ABHD3: variants seen among roughly 807,000 people sequenced by gnomAD.
ABHD3 encodes the protein abhydrolase domain containing 3, phospholipase.
A neutral mutation model predicts 48.8 loss-of-function variants in ABHD3; 46 were observed. The ratio of observed to expected loss-of-function variants is 0.94; its 90% CI spans 0.74 to 1.20. The LOEUF (loss-of-function observed/expected upper bound fraction) is 1.20. ABHD3 is among the 50% of genes most tolerant of loss of function. The pLI, the probability that ABHD3 is intolerant of heterozygous loss-of-function variation, is 0.00. For missense variants in ABHD3, 490 were observed against 497.8 expected, an observed-to-expected ratio of 0.98 and a Z score of 0.15; for synonymous variants, 192 against 183.7, an observed-to-expected ratio of 1.04 and a Z score of -0.36.
At chr18:21,675,790 T>A (rs1568149660) in intron 4 of ABHD3, among the ~76,000 whole-genome samples, 1 of 151,090 alleles carries the variant, frequency 6.6e-6, no homozygotes, top group Non-Finnish European at 1.5e-5. Flanking sequence ...AACCATTATT[T>A]AAAAAAAAAT....
chr18:21,651,629 C>T lies in ABHD3; in HGVS notation c.1192G>A (p.Val398Met). Reference sequence around the variant, plus strand: ...TGTCCATGCTCAACCATGGCTTGCACAAATTGCTTGAAGACACGATCCATG... The same window carrying T: ...TGTCCATGCTCAACCATGGCTTGCATAAATTGCTTGAAGACACGATCCATG... ...TYMDRVFKQF[V>M]QAMVEHGHEL... is the part of the protein sequence containing the mutation. The change falls in exon 9 of 9, where the codon GTG becomes ATG. Residue 398 changes from valine to methionine, a missense_variant. Val to Met is a conservative substitution (Grantham distance 21, BLOSUM62 1). Coordinates refer to ENST00000289119, the MANE Select transcript of ABHD3 (RefSeq NM_138340.5). The T allele has an allele frequency of 6.2e-7, 1 of 1,614,112 alleles. No individual in the cohort carries two copies. The highest frequency in any genetic ancestry group is 1.1e-5 in the South Asian group (1 of 91,082).
At chr18:21,703,213 A>AC (rs1225579394) in intron 2 of ABHD3, among the ~76,000 whole-genome samples, 1,685 of 61,898 alleles carry the variant, frequency 0.027, 11 homozygotes, top group Middle Eastern at 0.033. Context: ...CATCCTTCTC[A>AC]CCCCACCCCC....
chr18:21,687,625 A>G (rs766331962), intron 3 of ABHD3, among the ~76,000 whole-genome samples: 2 of 152,230 alleles, frequency 1.3e-5, no homozygotes, highest in African/African-American at 2.4e-5. Context: ...TTTTTCCTAC[A>G]TATTTGAACT....
intron 8 of ABHD3, 127 bp from the exon 9 acceptor site, chr18:21,651,890 T>C: frequency 2.6e-6 from 2 of 775,324 alleles, no homozygotes; most frequent in South Asian, 2.2e-5. Flanking sequence ...AACACCATTA[T>C]ATAAATATAT....
intron 2 of ABHD3, among the ~76,000 whole-genome samples, chr18:21,703,221 C>CCCCA (rs2040553837): frequency 8.2e-6 from 1 of 121,914 alleles, no homozygotes; most frequent in Non-Finnish European, 1.8e-5. Flanking sequence ...TCACCCCACC[C>CCCCA]CCCCCCCCAG....
intron 8 of ABHD3, among the ~76,000 whole-genome samples, chr18:21,655,561 G>A (rs921290122): frequency 5.9e-5 from 9 of 152,198 alleles, no homozygotes; most frequent in East Asian, 1.9e-4. Flanking sequence ...GAAAGTTGGC[G>A]GGGTGTGGTG....
chr18:21,692,623 C>G (rs904360971), intron 3 of ABHD3, among the ~76,000 whole-genome samples: 2 of 152,162 alleles, frequency 1.3e-5, no homozygotes, highest in African/African-American at 2.4e-5. Context: ...TCAAAGGTGT[C>G]TTTAACGTGA....
chr18:21,656,994 GAATCGCTT>G lies in ABHD3; in HGVS notation c.916_923del (p.Lys306HisfsTer11). ...TTTGGTATCCAAACATGACTGAAGT[GAATCGCTT>G]ATCAAACTCTCTGATGGATTTAGCC... On this transcript the variant is annotated frameshift_variant, in exon 8 of 9. Transcript: ENST00000289119. LOFTEE classifies it high-confidence loss of function. 6.2e-7 allele frequency: 1 copy of G among 1,614,024 alleles called. No individual in the cohort carries two copies. The highest frequency in any genetic ancestry group is 1.1e-5 in the South Asian group (1 of 91,078).
chr18:21,652,674 C>T (rs1020515155), intron 8 of ABHD3, among the ~76,000 whole-genome samples: 1 of 151,298 alleles, frequency 6.6e-6, no homozygotes, highest in Non-Finnish European at 1.5e-5. Flanking sequence ...ACTTGGGAGG[C>T]TGAGGCAGGA....
At chr18:21,690,368 G>A (rs917111301) in intron 3 of ABHD3, among the ~76,000 whole-genome samples, 13 of 152,140 alleles carry the variant, frequency 8.5e-5, no homozygotes, top group South Asian at 2.1e-4. Flanking sequence ...TCGGGAGGCC[G>A]GGGCAGGCAA....
chr18:21,684,475 T>C (rs921062562), intron 3 of ABHD3, among the ~76,000 whole-genome samples: 3 of 151,734 alleles, frequency 2.0e-5, no homozygotes, highest in African/African-American at 4.8e-5. Context: ...CCCACCACCA[T>C]GCGCGGCTAA....
chr18:21,663,866 C>G, intron 5 of ABHD3: 30 of 1,477,156 alleles, frequency 2.0e-5, no homozygotes, highest in Non-Finnish European at 2.7e-5. Context: ...ACTTCATGGG[C>G]TTCAGACAAA....
At chr18:21,660,799 C>T (rs2039475260) in intron 5 of ABHD3, among the ~76,000 whole-genome samples, 2 of 152,046 alleles carry the variant, frequency 1.3e-5, no homozygotes, top group African/African-American at 4.8e-5. Context: ...ATTCACCAAA[C>T]CATATATAGG....
intron 4 of ABHD3, among the ~76,000 whole-genome samples, chr18:21,669,401 C>CA (rs2039707463): frequency 6.6e-6 from 1 of 152,130 alleles, no homozygotes; most frequent in Non-Finnish European, 1.5e-5. Context: ...ACTTTTCCCC[C>CA]AACCCCAAAT....
At chr18:21,697,468 C>T (rs184605914) in intron 3 of ABHD3, among the ~76,000 whole-genome samples, 19 of 152,216 alleles carry the variant, frequency 1.2e-4, no homozygotes, top group Middle Eastern at 3.4e-3. Context: ...CAACCTCCAC[C>T]TCCCGAGTTC....
chr18:21,692,291 G>A (rs2040269891), intron 3 of ABHD3, among the ~76,000 whole-genome samples: 1 of 152,046 alleles, frequency 6.6e-6, no homozygotes, highest in Non-Finnish European at 1.5e-5. Context: ...AGCTAATTTT[G>A]ATCAAATTAC....
At chr18:21,692,169 C>T (rs923566450) in intron 3 of ABHD3, among the ~76,000 whole-genome samples, 6 of 152,248 alleles carry the variant, frequency 3.9e-5, no homozygotes, top group East Asian at 3.9e-4. Context: ...AGGCTGGTCT[C>T]GAACTCCTGA....
intron 5 of ABHD3, chr18:21,663,633 A>C (rs1294258180): frequency 7.9e-6 from 12 of 1,521,650 alleles, no homozygotes; most frequent in Non-Finnish European, 1.1e-5. Flanking sequence ...ACTCCACAGT[A>C]GTTCCATTTG....
Position 21,656,977 on chromosome 18 carries a change from C to T in ABHD3, c.941G>A (p.Gly314Glu), listed in dbSNP as rs1255197868. Residue 314 changes from glycine to glutamate, a missense_variant, in exon 8 of 9, where the codon GGA (glycine) becomes GAA (glutamate). Coordinates refer to ENST00000289119, the MANE Select transcript of ABHD3 (RefSeq NM_138340.5). ...ATAATAATCATCAATTGTTTGGTATCCAAACATGACTGAAGTGAATCGCTT... is the reference window on the plus strand; with the variant it reads ...ATAATAATCATCAATTGTTTGGTATTCAAACATGACTGAAGTGAATCGCTT... ...FDKRFTSVMF[G>E]YQTIDDYYTD... 6.2e-7 allele frequency: 1 copy of T among 1,613,988 alleles called. No individual in the cohort carries two copies. The highest frequency in any genetic ancestry group is 2.2e-5 in the East Asian group (1 of 44,852).
Sources: gnomAD v4.1 joint callset for allele counts (sites outside exome capture counted in the v4.1 genomes callset) on GRCh38, gnomAD v4.1.1 for gene constraint, MANE v1.5 for transcripts, NCBI Gene and HGNC (gene_info 2026-07-23, HGNC 2026-07-21) for gene names.